The following DHPS variants were observed in gnomAD, a reference collection of about 807,000 sequenced individuals.
DHPS encodes deoxyhypusine synthase.
In DHPS, 24 loss-of-function variants were observed where a neutral mutation model predicts 38.7. That is an observed-to-expected ratio of 0.62 (90% CI 0.45 to 0.87). The LOEUF is 0.87. Ranked by LOEUF, DHPS falls within the 40% of genes least tolerant of loss-of-function variation. The pLI, the probability that DHPS is intolerant of heterozygous loss-of-function variation, is 0.00. For synonymous variants in DHPS, 250 were observed against 204.4 expected (o/e 1.22, Z -1.90); for missense variants, 510 against 497.6 (o/e 1.02, Z -0.24).
downstream of DHPS, among the ~76,000 whole-genome samples, chr19:12,674,656 T>C (rs1362518397): frequency 6.6e-6 from 1 of 152,000 alleles, no homozygotes; most frequent in African/African-American, 2.4e-5. Flanking sequence ...TGGGGATCAT[T>C]GGGGCTGCCA....
At position 12,677,394 on chromosome 19, in the gene DHPS, G is replaced by A. The variant is rs781054297; in HGVS notation, c.681C>T (p.Asn227=). The A allele has an allele frequency of 1.7e-5, 27 of 1,613,204 alleles. No homozygotes were observed. Among genetic ancestry groups the A allele is most frequent in the Middle Eastern group, 1.6e-4 (1 of 6,084 alleles). The change falls in exon 6 of 9, where the codon AAC becomes AAT. Residue 227 remains asparagine, a splice_region_variant and synonymous_variant. Transcript: ENST00000210060. ...GTGCGGGACTAAACACAGGGATGTG[G>A]TTCTGCAGAGAACATGACAGGACAG... The part of the protein sequence containing the change: ...PESVYYWAQK[N]HIPVFSPALT...
rs779742243 is a variant in DHPS at position 12,676,115 on chromosome 19, T to C, written c.916A>G (p.Ile306Val). 4 of 1,613,340 alleles carry C rather than the reference T, an allele frequency of 2.5e-6. No homozygotes were observed. Among genetic ancestry groups the C allele is most frequent in the Admixed American group, 1.7e-5 (1 of 59,954 alleles). ...CCATCAAACTCCTGGGCTGTGTTGA[T>C]GTAAACAGCGTAGTCGGCCCCGTTC... ...MRNGADYAVY[I>V]NTAQEFDGSD... Residue 306 changes from isoleucine (I) to valine (V), a missense_variant, in exon 8 of 9, where the codon ATC (isoleucine) becomes GTC (valine). Transcript: ENST00000210060.
In DHPS at chr19:12,675,800, T is replaced by C. The variant is rs1381295124; in HGVS notation, c.*38A>G. On this transcript the variant is annotated 3_prime_UTR_variant, in exon 9 of 9. Transcript: ENST00000210060. Reference sequence around the variant, plus strand: ...GGGGCTGGGTCTGCAAATTAATAAATAGAAGAGGGGGTAAGACCTTCCTGG... The same window carrying C: ...GGGGCTGGGTCTGCAAATTAATAAACAGAAGAGGGGGTAAGACCTTCCTGG... 13 of 1,569,846 alleles carry C rather than the reference T, an allele frequency of 8.3e-6. No homozygotes were observed. The South Asian group carries it at 1.4e-4, about 17-fold the overall frequency.
chr19:12,676,940 A>C, intron 7 of DHPS, 168 bp downstream of exon 7: 1 of 638,492 alleles, frequency 1.6e-6, no homozygotes, highest in Non-Finnish European at 2.8e-6. Context: ...CGTAGCAATG[A>C]CTGCCCCCTG....
intron 5 of DHPS, 42 bp downstream of exon 5, chr19:12,679,415 C>T: frequency 6.4e-7 from 1 of 1,574,106 alleles, no homozygotes; most frequent in Admixed American, 1.7e-5. Flanking sequence ...TAAGTTAACA[C>T]ATGCCAAAGT....
At chr19:12,677,044 C>A (rs2024617004) in intron 7 of DHPS, 64 bp downstream of exon 7, 4 of 1,484,626 alleles carry the variant, frequency 2.7e-6, no homozygotes, top group Non-Finnish European at 3.7e-6. Context: ...GTCTACCCAG[C>A]ACATGGCATA....
At position 12,681,484 on chromosome 19, in the gene DHPS, C is replaced by G. The variant is rs2024810802; in HGVS notation, c.207+76G>C. 4 of 1,533,186 alleles carry G rather than the reference C, an allele frequency of 2.6e-6. No individual in the cohort carries two copies. In the African/African-American group the frequency reaches 4.1e-5, roughly 16 times the overall value. The allele number at this position is 1,533,186 out of a possible 1,614,324, so 95.0% of individuals were successfully genotyped here. A position where few individuals can be genotyped will look rare whatever the true frequency, so the allele number is the denominator to read the frequency against. ...AGACATATCCCCTCCACTGGAAACG[C>G]TGCCCCCGTCTAGTACCGCGTTGGT... On this transcript the variant is annotated intron_variant, in intron 1 of 8. Coordinates refer to ENST00000210060, the MANE Select transcript of DHPS (RefSeq NM_001930.4).
At chr19:12,679,359 G>A (rs2024721007) in intron 5 of DHPS, 98 bp downstream of exon 5, 1 of 1,165,674 alleles carries the variant, frequency 8.6e-7, no homozygotes, top group East Asian at 2.3e-5. Context: ...GAGTGAGGAT[G>A]CTGAGAATAA....
chr19:12,675,715 C>T (rs560124687), downstream of DHPS: 5 of 1,592,638 alleles, frequency 3.1e-6, no homozygotes, highest in African/African-American at 4.0e-5. Context: ...GAGACACAGA[C>T]ATGGAAGGAC....
At chr19:12,674,449 G>C (rs2024511434), downstream of DHPS, among the ~76,000 whole-genome samples, 1 of 152,162 alleles carries the variant, frequency 6.6e-6, no homozygotes, top group Non-Finnish European at 1.5e-5. Context: ...GAGGGAACCG[G>C]GGGGGCCCTG....
Position 12,681,696 on chromosome 19 carries a change from A to G in DHPS, c.71T>C (p.Leu24Ser). ...CCGGACCTGGGTGCTTTCGGGCGGC[A>G]ACGTCGAGCTGTGCTTTAGCACGGC... is the stretch of plus-strand genomic sequence containing the variant. ...LAAVLKHSSTLPPESTQVRGY... is the reference protein window; with the variant it reads ...LAAVLKHSSTSPPESTQVRGY... The change falls in exon 1 of 9, where the codon TTG (leucine) becomes TCG (serine). Residue 24 changes from leucine (L) to serine (S), a missense_variant. Leu to Ser is a moderately radical substitution (Grantham distance 145). Coordinates refer to ENST00000210060, the MANE Select transcript of DHPS (RefSeq NM_001930.4). The G allele has an allele frequency of 1.9e-6, 3 of 1,614,064 alleles. No homozygotes were observed. Among genetic ancestry groups the G allele is most frequent in the Non-Finnish European group, 1.7e-6 (2 of 1,180,020 alleles).
intron 7 of DHPS, 180 bp from the exon 8 acceptor site, chr19:12,676,322 A>G (rs1433012766): frequency 1.3e-6 from 1 of 785,504 alleles, no homozygotes; most frequent in African/African-American, 1.7e-5. Context: ...CTGCTGGGCA[A>G]CGATGGCTGT....
intron 2 of DHPS, 33 bp downstream of exon 2, chr19:12,680,128 G>GAGGCCA (rs2024751505): frequency 1.2e-6 from 2 of 1,610,992 alleles, no homozygotes; most frequent in Non-Finnish European, 1.7e-6. Flanking sequence ...CATTGACCCA[G>GAGGCCA]AGGCCAAGGC....
chr19:12,679,859 T>C lies in DHPS; in HGVS notation c.436A>G (p.Thr146Ala). The C allele has an allele frequency of 6.2e-7, 1 of 1,614,142 alleles. No individual in the cohort carries two copies. Among genetic ancestry groups the C allele is most frequent in the Non-Finnish European group, 8.5e-7 (1 of 1,180,018 alleles). The change falls in exon 3 of 9, where the codon ACA (threonine) becomes GCA (alanine). Residue 146 changes from threonine (T) to alanine (A), a missense_variant. Thr to Ala is a moderately conservative substitution (Grantham distance 58, BLOSUM62 0). Coordinates refer to ENST00000210060, the MANE Select transcript of DHPS (RefSeq NM_001930.4). ...EEDLIKCLAP[T>A]YLGEFSLRGK... is the part of the protein sequence containing the mutation. The stretch of plus-strand genomic sequence containing the variant: ...CTGAGGCTAAACTCGCCCAAGTATG[T>C]GGGCGCCAGGCACTTGATGAGGTCT...
downstream of DHPS, chr19:12,673,312 TGGA>T (rs2145323102): frequency 1.9e-6 from 3 of 1,606,400 alleles, no homozygotes; most frequent in Non-Finnish European, 2.6e-6. Flanking sequence ...TGGGACCTGG[TGGA>T]GGTGAGGTGC....
intron 1 of DHPS, chr19:12,681,056 ACTC>A (rs767088890): frequency 1.4e-4 from 151 of 1,081,788 alleles, no homozygotes; most frequent in Middle Eastern, 9.4e-4. Flanking sequence ...CTTGTCTCGA[ACTC>A]CTCTTCTCTT....
intron 7 of DHPS, chr19:12,676,878 C>T: frequency 5.5e-6 from 3 of 549,112 alleles, no homozygotes; most frequent in Admixed American, 3.1e-5. Context: ...CTTCCAAAAC[C>T]TCTTGTTGGA....
chr19:12,681,462 C>T (rs891295237), intron 1 of DHPS, 98 bp downstream of exon 1: 3 of 1,379,606 alleles, frequency 2.2e-6, no homozygotes, highest in African/African-American at 1.4e-5. Context: ...AAATAAAAGA[C>T]ATATCCCCTC....
At chr19:12,676,837 C>T (rs1053262311) in intron 7 of DHPS, 2 of 491,686 alleles carry the variant, frequency 4.1e-6, no homozygotes, top group South Asian at 2.1e-5. Context: ...TCCCCAAACC[C>T]CTGCTCCCAG....
Sources: gnomAD v4.1 joint callset for allele counts (sites outside exome capture counted in the v4.1 genomes callset) on GRCh38, gnomAD v4.1.1 for gene constraint, MANE v1.5 for transcripts, NCBI Gene and HGNC (gene_info 2026-07-23, HGNC 2026-07-21) for gene names.